Variants in CD163 observed in about 807,000 individuals in gnomAD.
CD163 encodes CD163 molecule.
CD163 carries 64 observed loss-of-function variants against 129.2 expected under a neutral mutation model. That is an observed-to-expected ratio of 0.50 (90% CI 0.41 to 0.61). The LOEUF (loss-of-function observed/expected upper bound fraction) is 0.61. Among genes scored for constraint, CD163 ranks in the 20% least tolerant of loss-of-function variants. The probability of loss-of-function intolerance (pLI) is 0.00; values close to 1 mark genes in which losing one functional copy is unlikely to be tolerated. For missense variants in CD163, 1,061 were observed against 1,377.9 expected (o/e 0.77, Z 3.64); for synonymous variants, 446 against 478.5 (o/e 0.93, Z 0.89).
Position 7,482,675 on chromosome 12 carries a change from G to A in CD163, c.3215C>T (p.Thr1072Ile), listed in dbSNP as rs150532032. Residue 1072 changes from threonine to isoleucine, a missense_variant, in exon 14 of 17, where the codon ACT (threonine) becomes ATT (isoleucine). Transcript: ENST00000432237. ...LAIFVALFFL[T>I]KKRRQRQRLA... ...CCGCTGTCTCTGTCTTCGCTTTTTA[G>A]TCAAGAAGAATAATGCGACGAAAAT... 114 of 1,613,992 alleles carry A rather than the reference G, an allele frequency of 7.1e-5. No individual in the cohort carries two copies. The highest frequency in any genetic ancestry group is 8.1e-5 in the Non-Finnish European group (96 of 1,180,014).
Position 7,486,675 on chromosome 12 carries a change from C to T in CD163, c.2282G>A (p.Gly761Asp). The T allele has an allele frequency of 6.2e-7, 1 of 1,614,188 alleles. No homozygotes were observed. Among genetic ancestry groups the T allele is most frequent in the Non-Finnish European group, 8.5e-7 (1 of 1,180,032 alleles). ...SDAHVVCRQLGCGEAINATGS... is the reference protein window; with the variant it reads ...SDAHVVCRQLDCGEAINATGS... ...AGTGGCATTAATGGCCTCTCCACAG[C>T]CCAGCTGTCTGCAAACCACGTGGGC... is the stretch of plus-strand genomic sequence containing the variant. Residue 761 changes from glycine to aspartate, a missense_variant, in exon 10 of 17, where the codon GGC (glycine) becomes GAC (aspartate). Transcript: ENST00000432237.
chr12:7,480,545 C>CGTAT (rs1480596468), intron 15 of CD163: 9 of 153,044 alleles, frequency 5.9e-5, no homozygotes, highest in African/African-American at 2.2e-4. Context: ...CTGTGAAAGA[C>CGTAT]GTATGTAGGT....
chr12:7,480,016 T>C (rs757393351), intron 15 of CD163, 103 bp from the exon 16 acceptor site: 8 of 1,600,802 alleles, frequency 5.0e-6, no homozygotes, highest in Non-Finnish European at 6.0e-6. Flanking sequence ...AGAAAATAAT[T>C]ACTGGGAAAT....
At chr12:7,479,712 A>G (rs1042207637) in intron 16 of CD163, 148 bp downstream of exon 16, 28 of 649,104 alleles carry the variant, frequency 4.3e-5, no homozygotes, top group African/African-American at 4.0e-4. Context: ...TATATTCTCA[A>G]TATAGATATA....
chr12:7,486,129 G>A (rs1201453044), intron 10 of CD163, among the ~76,000 whole-genome samples: 1 of 152,062 alleles, frequency 6.6e-6, no homozygotes, highest in East Asian at 1.9e-4. Context: ...GTAGAATGAT[G>A]CAACATATAT....
intron 11 of CD163, among the ~76,000 whole-genome samples, chr12:7,484,807 C>G (rs1249225935): frequency 6.6e-6 from 1 of 152,142 alleles, no homozygotes; most frequent in African/African-American, 2.4e-5. Context: ...CACATATTCT[C>G]TCCTCCTCAG....
At chr12:7,494,260 T>A (rs185029875) in intron 6 of CD163, among the ~76,000 whole-genome samples, 89 of 152,338 alleles carry the variant, frequency 5.8e-4, no homozygotes, top group African/African-American at 2.1e-3. Flanking sequence ...GAATATTTTT[T>A]AAAAAGTAAT....
rs1418358235 is a variant in CD163, at chr12:7,500,419, C to A, written c.457+720G>T. On this transcript the variant is annotated intron_variant, in intron 3 of 16. Coordinates refer to ENST00000432237, the MANE Select transcript of CD163 (RefSeq NM_203416.4). ...CTGGGGGACAAGAGCGACAATTCGT[C>A]CCAAAAAAAAAAAAAAAAAAAAGGA... Among the ~76,000 whole-genome samples, 125 of 15,372 alleles carry A rather than the reference C, an allele frequency of 8.1e-3. 1 individual carries two copies. The highest frequency in any genetic ancestry group is 0.011 in the African/African-American group (121 of 11,398). 10.1% of individuals were successfully genotyped at this position (15,372 alleles called of 152,430 possible).
intron 6 of CD163, among the ~76,000 whole-genome samples, chr12:7,493,439 A>T (rs1156434716): frequency 6.6e-6 from 1 of 152,166 alleles, no homozygotes; most frequent in Admixed American, 6.5e-5. Context: ...CAGCAAATCT[A>T]TTCTGGATGT....
rs759518221 is a variant in CD163, at chr12:7,486,515, C to T, written c.2442G>A (p.Ala814=). The T allele has an allele frequency of 2.1e-5, 34 of 1,613,788 alleles. No homozygotes were observed. Among genetic ancestry groups the T allele is most frequent in the East Asian group, 6.7e-5 (3 of 44,872 alleles). ...ATAATTTACCTGAGCAGATAACTCC[C>T]GCATCCTCCTTGTGCCTGCAATTTT... ...GQQNCRHKED[A]GVICSEFMSL... Residue 814 remains alanine (A), a synonymous_variant, in exon 10 of 17, where the codon GCG becomes GCA. Transcript: ENST00000432237.
intron 16 of CD163, among the ~76,000 whole-genome samples, chr12:7,474,368 A>G (rs1316605747): frequency 2.0e-5 from 3 of 151,822 alleles, no homozygotes; most frequent in Non-Finnish European, 4.4e-5. Flanking sequence ...AACAGAAATC[A>G]TAACAGTCTC....
intron 3 of CD163, 95 bp from the exon 4 acceptor site, chr12:7,499,283 G>A (rs1225047153): frequency 2.7e-6 from 3 of 1,106,602 alleles, no homozygotes; most frequent in Non-Finnish European, 2.6e-6. Flanking sequence ...ATTTTATGTT[G>A]TCCTTAAAAT....
intron 12 of CD163, 80 bp from the exon 13 acceptor site, chr12:7,483,084 C>CT (rs1453105359): frequency 7.4e-7 from 1 of 1,355,380 alleles, no homozygotes; most frequent in African/African-American, 1.4e-5. Flanking sequence ...TGTCTGACCC[C>CT]TTAGTACCTC....
Position 7,471,048 on chromosome 12 carries a change from C to T in CD163, c.*381G>A, listed in dbSNP as rs1415353394. ...ACCAAATAAGAAAAAATATACAGTACTGTATATGCAAATTGAAACACTGTC... is the reference window on the plus strand; with the variant it reads ...ACCAAATAAGAAAAAATATACAGTATTGTATATGCAAATTGAAACACTGTC... On this transcript the variant is annotated 3_prime_UTR_variant, in exon 17 of 17. Coordinates refer to ENST00000432237, the MANE Select transcript of CD163 (RefSeq NM_203416.4). 1 of 151,980 alleles carries T rather than the reference C, an allele frequency of 6.6e-6. No individual in the cohort carries two copies. The highest frequency in any genetic ancestry group is 1.9e-4 in the East Asian group (1 of 5,204). The allele number at this position is 151,980 out of a possible 1,614,324, so 9.4% of individuals were successfully genotyped here. A position where few individuals can be genotyped will look rare whatever the true frequency, so the allele number is the denominator to read the frequency against.
At chr12:7,494,271 A>T (rs1949368483) in intron 6 of CD163, among the ~76,000 whole-genome samples, 1 of 152,224 alleles carries the variant, frequency 6.6e-6, no homozygotes, top group Non-Finnish European at 1.5e-5. Flanking sequence ...AAAAAGTAAT[A>T]TAGAAATTCA....
intron 2 of CD163, 93 bp downstream of exon 2, chr12:7,502,385 A>G: frequency 2.5e-6 from 2 of 789,840 alleles, no homozygotes; most frequent in Non-Finnish European, 4.6e-6. Flanking sequence ...CCTAGTTTTT[A>G]GATGCTACTT....
intron 16 of CD163, among the ~76,000 whole-genome samples, chr12:7,476,830 A>G (rs1949095271): frequency 6.6e-6 from 1 of 152,234 alleles, no homozygotes; most frequent in African/African-American, 2.4e-5. Flanking sequence ...AATTTTTGCA[A>G]TCTAGGCATC....
chr12:7,488,341 T>C (rs2136712033), intron 6 of CD163, among the ~76,000 whole-genome samples: 1 of 152,314 alleles, frequency 6.6e-6, no homozygotes, highest in Non-Finnish European at 1.5e-5. Context: ...CCAAAGGCAA[T>C]GATAACTCTG....
In CD163 at chr12:7,487,662, T is replaced by C; in HGVS notation, c.1747A>G (p.Ile583Val). The change falls in exon 8 of 17, where the codon ATT (isoleucine) becomes GTT (valine). Residue 583 changes from isoleucine (I) to valine (V), a missense_variant. Physicochemically the swap from Ile to Val is conservative, Grantham distance 29. Coordinates refer to ENST00000432237, the MANE Select transcript of CD163 (RefSeq NM_203416.4). The surrounding 1 kb of genome is among the most constrained non-coding windows in gnomAD (Gnocchi z 5.1). ...VGVVCSRYTE[I>V]RLVNGKTPCE... ...GGGGTCTTGCCATTCACCAAGCGAA[T>C]TTCTGTGTATCCTGGAAGGAGACAG... 6.2e-7 allele frequency: 1 copy of C among 1,614,164 alleles called. No homozygotes were observed. Among genetic ancestry groups the C allele is most frequent in the South Asian group, 1.1e-5 (1 of 91,082 alleles).
Sources: gnomAD v4.1 joint callset for allele counts (sites outside exome capture counted in the v4.1 genomes callset) on GRCh38, gnomAD v4.1.1 for gene constraint, Gnocchi (gnomAD v3.1) non-coding constraint, MANE v1.5 for transcripts, NCBI Gene and HGNC (gene_info 2026-07-23, HGNC 2026-07-21) for gene names.